The following FIRRM variants were observed in gnomAD, a reference collection of about 807,000 sequenced individuals.
FIRRM encodes the protein FIGNL1 interacting regulator of recombination and mitosis.
At chr1:169,833,564 T>C in the FIRRM span, among the ~76,000 whole-genome samples, 1 of 152,272 alleles carries the variant, frequency 6.6e-6, no homozygotes, top group Admixed American at 6.5e-5. Flanking sequence ...CAAAACAGGA[T>C]AGTGCTGGGT....
chr1:169,839,563 T>C, the FIRRM span, among the ~76,000 whole-genome samples: 2 of 152,214 alleles, frequency 1.3e-5, no homozygotes. Flanking sequence ...AAGCGTCTGT[T>C]CATGTCTTTT....
At chr1:169,842,091 G>A in the FIRRM span, among the ~76,000 whole-genome samples, 37 of 151,536 alleles carry the variant, frequency 2.4e-4, no homozygotes, top group African/African-American at 8.0e-4. Flanking sequence ...TAGGAGAATC[G>A]CTCGAACCTG....
chr1:169,820,511 A>T, the FIRRM span, among the ~76,000 whole-genome samples: 47 of 152,212 alleles, frequency 3.1e-4, no homozygotes, highest in African/African-American at 1.1e-3. Context: ...CTTAGCCAAG[A>T]GGGACTTTAC....
chr1:169,815,255 C>T, the FIRRM span, among the ~76,000 whole-genome samples: 4 of 150,496 alleles, frequency 2.7e-5, no homozygotes, highest in South Asian at 8.4e-4. Context: ...GAGATCGCGC[C>T]ACTGCACTCC....
At chr1:169,787,568 G>C in the FIRRM span, among the ~76,000 whole-genome samples, 3 of 152,034 alleles carry the variant, frequency 2.0e-5, no homozygotes, top group African/African-American at 7.2e-5. Context: ...ATTCCCACTT[G>C]CCCATACTCT....
the FIRRM span, chr1:169,847,729 CCTGA>C: frequency 2.4e-5 from 39 of 1,613,592 alleles, no homozygotes; most frequent in Non-Finnish European, 3.3e-5. Context: ...ATTAGAGCTT[CCTGA>C]CTATGTTCGT....
chr1:169,817,087 AAAAC>A, the FIRRM span, among the ~76,000 whole-genome samples: 6 of 152,204 alleles, frequency 3.9e-5, no homozygotes, highest in Non-Finnish European at 7.3e-5. Context: ...TCTGAAAAAT[AAAAC>A]AAAGAATCAG....
chr1:169,784,490 T>C, the FIRRM span, among the ~76,000 whole-genome samples: 205 of 152,328 alleles, frequency 1.3e-3, 3 homozygotes, highest in East Asian at 4.6e-3. Flanking sequence ...CAATTCCATA[T>C]GTGTTTCTCT....
At chr1:169,844,936 G>C in the FIRRM span, among the ~76,000 whole-genome samples, 1 of 152,106 alleles carries the variant, frequency 6.6e-6, no homozygotes, top group Non-Finnish European at 1.5e-5. Flanking sequence ...CAGCCCAAGA[G>C]CTAGGCATGA....
At chr1:169,821,620 A>T in the FIRRM span, 1 of 1,243,114 alleles carries the variant, frequency 8.0e-7, no homozygotes, top group Non-Finnish European at 1.1e-6. Flanking sequence ...TTGTAAGCTT[A>T]GCTAATTTTA....
At chr1:169,852,659 G>C in the FIRRM span, 1 of 891,280 alleles carries the variant, frequency 1.1e-6, no homozygotes, top group Non-Finnish European at 1.7e-6. Context: ...TAGGGGTTTT[G>C]GGGTGCATCC....
At chr1:169,803,099 G>A in the FIRRM span, 1 of 1,406,958 alleles carries the variant, frequency 7.1e-7, no homozygotes, top group East Asian at 2.3e-5. Flanking sequence ...GTAGCACCCA[G>A]CATGCTGACT....
At chr1:169,829,460 T>C in the FIRRM span, 1 of 1,600,752 alleles carries the variant, frequency 6.2e-7, no homozygotes, top group Non-Finnish European at 8.5e-7. Context: ...GTAAGCATAT[T>C]ACTTACTGTG....
At chr1:169,790,019 A>G in the FIRRM span, among the ~76,000 whole-genome samples, 1 of 152,226 alleles carries the variant, frequency 6.6e-6, no homozygotes, top group Non-Finnish European at 1.5e-5. Flanking sequence ...CCAAGTTATC[A>G]TAACCCTTAA....
At chr1:169,823,539 C>A in the FIRRM span, 2 of 865,376 alleles carry the variant, frequency 2.3e-6, no homozygotes, top group Non-Finnish European at 3.5e-6. Flanking sequence ...TGCTTAAGTA[C>A]CTACCATTTT....
At chr1:169,803,228 G>T in the FIRRM span, 1 of 1,613,948 alleles carries the variant, frequency 6.2e-7, no homozygotes, top group Non-Finnish European at 8.5e-7. Context: ...GTGCCACACA[G>T]GAATCCATCA....
the FIRRM span, among the ~76,000 whole-genome samples, chr1:169,846,701 C>CTGGCTTTGGATT: frequency 6.6e-6 from 1 of 152,160 alleles, no homozygotes; most frequent in Non-Finnish European, 1.5e-5. Flanking sequence ...GAGAGAGGGC[C>CTGGCTTTGGATT]TGGCTTTGGA....
chr1:169,824,725 G>A, the FIRRM span, among the ~76,000 whole-genome samples: 561 of 152,142 alleles, frequency 3.7e-3, 4 homozygotes, highest in African/African-American at 0.013. Flanking sequence ...TGGTTTCTAG[G>A]GCATGTCTCA....
the FIRRM span, among the ~76,000 whole-genome samples, chr1:169,787,604 T>C: frequency 1.3e-5 from 2 of 152,206 alleles, no homozygotes; most frequent in Non-Finnish European, 2.9e-5. Flanking sequence ...TTCTCCCCAC[T>C]ACTGCAAAAT....
Sources: gnomAD v4.1 joint callset for allele counts (sites outside exome capture counted in the v4.1 genomes callset) on GRCh38, gnomAD v4.1.1 for gene constraint, MANE v1.5 for transcripts, NCBI Gene and HGNC (gene_info 2026-07-23, HGNC 2026-07-21) for gene names.